The following RALGPS1 variants were observed in gnomAD, a reference collection of about 807,000 sequenced individuals.
RALGPS1 encodes Ral GEF with PH domain and SH3 binding motif 1.
Under a neutral mutation model 78.8 loss-of-function variants are expected in RALGPS1, and 19 were observed. The observed-to-expected ratio is 0.24, with a 90% CI of 0.17 to 0.35. The LOEUF (loss-of-function observed/expected upper bound fraction) is 0.35. Among genes scored for constraint, RALGPS1 ranks in the 10% least tolerant of loss-of-function variants. The probability of loss-of-function intolerance (pLI) is 1.00; values close to 1 mark genes in which losing one functional copy is unlikely to be tolerated. For missense variants in RALGPS1, 454 were observed against 688.3 expected, an observed-to-expected ratio of 0.66 and a Z score of 3.81; for synonymous variants, 228 against 256.3, an observed-to-expected ratio of 0.89 and a Z score of 1.06.
intron 7 of RALGPS1, among the ~76,000 whole-genome samples, chr9:127,058,295 T>C (rs184644677): frequency 2.0e-5 from 3 of 152,292 alleles, no homozygotes; most frequent in Non-Finnish European, 4.4e-5. Flanking sequence ...CCAAGTGCAC[T>C]GAAGGATTTT....
At chr9:127,148,441 C>G (rs950360765) in intron 8 of RALGPS1, among the ~76,000 whole-genome samples, 1 of 152,262 alleles carries the variant, frequency 6.6e-6, no homozygotes, top group African/African-American at 2.4e-5. Flanking sequence ...TAGCACAGAG[C>G]TTAGCTGAGA....
At chr9:126,958,633 G>A (rs1008292479) in intron 1 of RALGPS1, among the ~76,000 whole-genome samples, 1 of 152,096 alleles carries the variant, frequency 6.6e-6, no homozygotes, top group African/African-American at 2.4e-5. Flanking sequence ...TCCATCCTGC[G>A]GTGTGTCGAC....
At chr9:126,956,996 T>G (rs201750220) in intron 1 of RALGPS1, among the ~76,000 whole-genome samples, 1 of 152,214 alleles carries the variant, frequency 6.6e-6, no homozygotes, top group Non-Finnish European at 1.5e-5. Flanking sequence ...CACCTCCCAG[T>G]CCTGCCACTA....
chr9:127,155,814 C>G (rs1019494396), intron 8 of RALGPS1, among the ~76,000 whole-genome samples: 4 of 151,986 alleles, frequency 2.6e-5, no homozygotes, highest in African/African-American at 9.7e-5. Context: ...CTCGGAAATT[C>G]TTGTGCTTCA....
At chr9:126,988,022 A>G (rs1188788137) in intron 4 of RALGPS1, among the ~76,000 whole-genome samples, 3 of 152,220 alleles carry the variant, frequency 2.0e-5, no homozygotes, top group Non-Finnish European at 4.4e-5. Context: ...ATTCAGTTGC[A>G]TATGGGTGTT....
chr9:127,077,680 G>T (rs1183760276), intron 8 of RALGPS1, among the ~76,000 whole-genome samples: 1 of 152,198 alleles, frequency 6.6e-6, no homozygotes, highest in Non-Finnish European at 1.5e-5. Flanking sequence ...CATTCCACAT[G>T]CAGGAAATCC....
At chr9:126,959,622 A>G (rs2038689848) in intron 1 of RALGPS1, among the ~76,000 whole-genome samples, 1 of 151,672 alleles carries the variant, frequency 6.6e-6, no homozygotes, top group Non-Finnish European at 1.5e-5. Context: ...TAACTATGAA[A>G]ATTATCAAGT....
chr9:127,121,779 C>T (rs2056115556), intron 8 of RALGPS1, among the ~76,000 whole-genome samples: 1 of 152,184 alleles, frequency 6.6e-6, no homozygotes, highest in African/African-American at 2.4e-5. Context: ...GCTCTCCTCG[C>T]CAGCTGGAGG....
At position 127,183,301 on chromosome 9, in the gene RALGPS1, C is replaced by T. The variant is rs1180845134; in HGVS notation, c.910+8519C>T. On this transcript the variant is annotated intron_variant, in intron 11 of 18. Transcript: ENST00000259351. The surrounding 1 kb of genome is among the most constrained non-coding windows in gnomAD (Gnocchi z 4.0). ...CTCCCAGGCACTTCCGTGGGTATTT[C>T]AGAGATTCCACAAGTCCCTTGACCC... Among the ~76,000 whole-genome samples, 2 of 152,200 alleles carry T rather than the reference C, an allele frequency of 1.3e-5. No individual in the cohort carries two copies. Among genetic ancestry groups the T allele is most frequent in the African/African-American group, 4.8e-5 (2 of 41,450 alleles).
chr9:127,058,317 G>C (rs747555741), intron 7 of RALGPS1, among the ~76,000 whole-genome samples: 1 of 152,146 alleles, frequency 6.6e-6, no homozygotes, highest in African/African-American at 2.4e-5. Flanking sequence ...AACAGGAGGC[G>C]GACACAATCT....
At chr9:127,152,051 GA>G (rs2058451530) in intron 8 of RALGPS1, among the ~76,000 whole-genome samples, 1 of 152,146 alleles carries the variant, frequency 6.6e-6, no homozygotes, top group South Asian at 2.1e-4. Context: ...AGTATTCTTT[GA>G]TTTTTTTTCA....
chr9:126,962,377 G>A lies in RALGPS1; in HGVS notation c.57+31G>A, dbSNP rs748492028. On this transcript the variant is annotated intron_variant, in intron 2 of 18. Transcript: ENST00000259351. The stretch of plus-strand genomic sequence containing the variant: ...GAGGCTGCAAGAATCGGGACAGTGG[G>A]TAGAGGGGTCTCCTTTCAGCTAACC... The A allele has an allele frequency of 3.7e-6, 6 of 1,611,182 alleles. No individual in the cohort carries two copies. The Admixed American group carries it at 5.0e-5, about 13-fold the overall frequency.
intron 18 of RALGPS1, chr9:127,217,070 C>T (rs2062627946): frequency 7.1e-7 from 1 of 1,408,656 alleles, no homozygotes; most frequent in East Asian, 2.7e-5. Context: ...CATTGTCCCT[C>T]TTTGGAGGAG....
chr9:126,980,963 G>A (rs2041195449), intron 4 of RALGPS1, among the ~76,000 whole-genome samples: 1 of 152,174 alleles, frequency 6.6e-6, no homozygotes, highest in Admixed American at 6.5e-5. Context: ...ATTGATCCTG[G>A]CTGGGTCTAG....
chr9:127,189,838 G>A (rs2060926790), intron 11 of RALGPS1, among the ~76,000 whole-genome samples: 1 of 152,202 alleles, frequency 6.6e-6, no homozygotes, highest in Non-Finnish European at 1.5e-5. Context: ...TACTGACCTA[G>A]CCCCATATGC....
At chr9:127,050,460 C>T (rs2048206461) in intron 6 of RALGPS1, among the ~76,000 whole-genome samples, 1 of 152,208 alleles carries the variant, frequency 6.6e-6, no homozygotes, top group Non-Finnish European at 1.5e-5. Context: ...CATTCATTCT[C>T]CTACTTTAGA....
At chr9:126,926,681 T>C (rs972239564) in intron 1 of RALGPS1, among the ~76,000 whole-genome samples, 3 of 152,128 alleles carry the variant, frequency 2.0e-5, no homozygotes, top group Non-Finnish European at 4.4e-5. Context: ...TTGTCACTTA[T>C]AGTCCTGGTG....
chr9:126,990,610 G>A (rs2042198742), intron 4 of RALGPS1, among the ~76,000 whole-genome samples: 1 of 152,244 alleles, frequency 6.6e-6, no homozygotes, highest in African/African-American at 2.4e-5. Context: ...CCTCTGCCGG[G>A]AATGCTCTGC....
chr9:126,993,333 C>T (rs1475726013), intron 4 of RALGPS1, among the ~76,000 whole-genome samples: 1 of 151,966 alleles, frequency 6.6e-6, no homozygotes, highest in East Asian at 1.9e-4. Context: ...AATATTGATC[C>T]ATATTTTTCT....
Sources: allele counts gnomAD v4.1 joint callset (sites outside exome capture counted in the v4.1 genomes callset), GRCh38; gene constraint gnomAD v4.1.1; non-coding constraint Gnocchi (gnomAD v3.1); transcripts MANE v1.5; gene names NCBI Gene and HGNC (gene_info 2026-07-23, HGNC 2026-07-21).